TSHZ2: variants seen among roughly 807,000 people sequenced by gnomAD.
The protein encoded by TSHZ2 is teashirt zinc finger homeobox 2, also known as teashirt homolog 2.
TSHZ2 carries 21 observed loss-of-function variants against 74.4 expected under a neutral mutation model. The observed-to-expected ratio is 0.28, with a 90% CI of 0.20 to 0.41. The LOEUF is 0.41. Ranked by LOEUF, TSHZ2 falls within the 10% of genes least tolerant of loss-of-function variation. The probability of loss-of-function intolerance (pLI) is 1.00; values close to 1 mark genes in which losing one functional copy is unlikely to be tolerated. For synonymous variants in TSHZ2, 540 were observed against 515.3 expected (o/e 1.05, Z -0.65); for missense variants, 1,244 against 1,293.5 (o/e 0.96, Z 0.59).
At chr20:53,276,542 CA>C (rs1208636860) in intron 2 of TSHZ2, among the ~76,000 whole-genome samples, 1 of 152,224 alleles carries the variant, frequency 6.6e-6, no homozygotes, top group African/African-American at 2.4e-5. Context: ...CGCTCTCAGA[CA>C]CAGTTTCTTC....
chr20:52,987,368 G>C (rs115467932), intron 1 of TSHZ2, among the ~76,000 whole-genome samples: 2,216 of 152,260 alleles, frequency 0.015, 55 homozygotes, highest in African/African-American at 0.051. Context: ...CTGTACATTA[G>C]ATATCCATTA....
chr20:53,435,567 G>A (rs1168759287), intron 2 of TSHZ2, among the ~76,000 whole-genome samples: 1 of 152,214 alleles, frequency 6.6e-6, no homozygotes, highest in Admixed American at 6.5e-5. Context: ...AGGCTGGAGT[G>A]CAGTGGCGCG....
intron 1 of TSHZ2, among the ~76,000 whole-genome samples, chr20:53,155,999 C>T (rs1041546519): frequency 6.6e-6 from 1 of 152,096 alleles, no homozygotes; most frequent in African/African-American, 2.4e-5. Context: ...ATGCCTGTTT[C>T]TTTTCAGAAG....
At chr20:53,289,574 A>G (rs1991242051) in intron 2 of TSHZ2, among the ~76,000 whole-genome samples, 1 of 152,178 alleles carries the variant, frequency 6.6e-6, no homozygotes, top group South Asian at 2.1e-4. Flanking sequence ...AGTGATGCTG[A>G]GCATTTTTCC....
chr20:53,024,549 G>T lies in TSHZ2; in HGVS notation c.40+51216G>T, dbSNP rs569313326. On this transcript the variant is annotated intron_variant, in intron 1 of 2. Coordinates refer to ENST00000371497, the MANE Select transcript of TSHZ2 (RefSeq NM_173485.6). Reference sequence around the variant, plus strand: ...CTGCAGTACATGAGCAGAATGTGCAGGTTTGGTTACATAGGTATACACGTG... The same window carrying T: ...CTGCAGTACATGAGCAGAATGTGCATGTTTGGTTACATAGGTATACACGTG... 1.2e-4 allele frequency among the ~76,000 whole-genome samples: 18 copies of T among 152,010 alleles called. No homozygotes were observed. The South Asian group carries it at 3.5e-3, about 30-fold the overall frequency.
intron 1 of TSHZ2, among the ~76,000 whole-genome samples, chr20:53,010,334 A>T (rs1436806719): frequency 6.6e-6 from 1 of 152,194 alleles, no homozygotes; most frequent in South Asian, 2.1e-4. Context: ...TGATTGGATC[A>T]TCAAAATCCT....
At chr20:53,101,854 A>G (rs1247331810) in intron 1 of TSHZ2, among the ~76,000 whole-genome samples, 1 of 152,224 alleles carries the variant, frequency 6.6e-6, no homozygotes, top group African/African-American at 2.4e-5. Context: ...TAGAAGTCAC[A>G]TGTATGAACC....
chr20:53,079,557 C>T (rs1892203), intron 1 of TSHZ2, among the ~76,000 whole-genome samples: 63,700 of 151,642 alleles, frequency 0.42, 14,133 homozygotes, highest in Admixed American at 0.53. Flanking sequence ...GCAGAGACTT[C>T]AAGTCTTTAG....
intron 1 of TSHZ2, among the ~76,000 whole-genome samples, chr20:53,001,015 C>G (rs184809878): frequency 2.0e-5 from 3 of 152,076 alleles, no homozygotes; most frequent in Admixed American, 2.0e-4. Flanking sequence ...CTAGTTCAGC[C>G]AGGAGTGGAA....
intron 1 of TSHZ2, among the ~76,000 whole-genome samples, chr20:53,246,812 G>A (rs969634615): frequency 3.9e-5 from 6 of 152,138 alleles, no homozygotes; most frequent in African/African-American, 9.7e-5. Context: ...ATTAGAAAAC[G>A]TTTTACAGTC....
intron 1 of TSHZ2, among the ~76,000 whole-genome samples, chr20:53,161,708 C>A (rs116505968): frequency 6.6e-6 from 1 of 152,144 alleles, no homozygotes; most frequent in Admixed American, 6.5e-5. Flanking sequence ...GGAATCCGCC[C>A]GCATGATACC....
At chr20:53,106,394 T>A (rs1231321654) in intron 1 of TSHZ2, among the ~76,000 whole-genome samples, 1 of 38,826 alleles carries the variant, frequency 2.6e-5, no homozygotes, top group Non-Finnish European at 4.6e-5. Context: ...ACACTTTCTT[T>A]TTTTTTTTTT....
intron 1 of TSHZ2, among the ~76,000 whole-genome samples, chr20:53,048,309 G>GGA (rs546698940): frequency 1.8e-4 from 27 of 149,802 alleles, no homozygotes; most frequent in South Asian, 1.1e-3. Context: ...AAGAAGGGGA[G>GGA]GAGAGAGAGA....
chr20:53,456,809 C>T (rs373875324), intron 2 of TSHZ2, among the ~76,000 whole-genome samples: 3 of 67,704 alleles, frequency 4.4e-5, no homozygotes, highest in African/African-American at 7.4e-5. Context: ...ATTTATTAAA[C>T]AGGGAATCCT....
rs377415955 is a variant in TSHZ2, at chr20:53,255,998, A to C, written c.2540A>C (p.Asn847Thr). The change falls in exon 2 of 3, where the codon AAC becomes ACC. Residue 847 changes from asparagine to threonine, a missense_variant. Coordinates refer to ENST00000371497, the MANE Select transcript of TSHZ2 (RefSeq NM_173485.6). The surrounding 1 kb of genome is among the most constrained non-coding windows in gnomAD (Gnocchi z 4.1). ...TLHKRKGRQS[N>T]WNPQHLLILQ... ...CATAAAAGAAAAGGCCGGCAGTCCA[A>C]CTGGAATCCTCAGCATCTTCTGATT... 6.2e-7 allele frequency: 1 copy of C among 1,613,740 alleles called. No homozygotes were observed. The highest frequency in any genetic ancestry group is 8.5e-7 in the Non-Finnish European group (1 of 1,179,708).
rs575225208 is a variant in TSHZ2 at position 52,972,511 on chromosome 20, C to T, written c.-783C>T. 2.0e-5 allele frequency: 3 copies of T among 153,728 alleles called. No homozygotes were observed. The highest frequency in any genetic ancestry group is 2.1e-4 in the South Asian group (1 of 4,794). The allele number at this position is 153,728 out of a possible 1,614,324, so 9.5% of individuals were successfully genotyped here. A position where few individuals can be genotyped will look rare whatever the true frequency, so the allele number is the denominator to read the frequency against. On this transcript the variant is annotated 5_prime_UTR_variant, in exon 1 of 3. Transcript: ENST00000371497. ...GCGGGGGTGCGTGCGCGTGTGAGTG[C>T]GTGTGTGAGTGTCTGTGTGTGTGTC...
At chr20:53,085,179 A>G (rs116252714) in intron 1 of TSHZ2, among the ~76,000 whole-genome samples, 2,094 of 152,018 alleles carry the variant, frequency 0.014, 61 homozygotes, top group African/African-American at 0.048. Context: ...CCAGGCGAAT[A>G]TGGTGAAACC....
intron 1 of TSHZ2, among the ~76,000 whole-genome samples, chr20:53,145,086 C>CT (rs1168085347): frequency 6.6e-6 from 1 of 152,050 alleles, no homozygotes; most frequent in African/African-American, 2.4e-5. Flanking sequence ...AAATTTGGGC[C>CT]TGAGGATCCT....
At chr20:53,065,118 G>A (rs769378684) in intron 1 of TSHZ2, among the ~76,000 whole-genome samples, 1 of 152,154 alleles carries the variant, frequency 6.6e-6, no homozygotes, top group Non-Finnish European at 1.5e-5. Flanking sequence ...CGCCTCATTC[G>A]CCTCGTCTGC....
Sources: gnomAD v4.1 joint callset for allele counts (sites outside exome capture counted in the v4.1 genomes callset) on GRCh38, gnomAD v4.1.1 for gene constraint, Gnocchi (gnomAD v3.1) non-coding constraint, MANE v1.5 for transcripts, NCBI Gene and HGNC (gene_info 2026-07-23, HGNC 2026-07-21) for gene names.